N4BP1: variants seen among roughly 807,000 people sequenced by gnomAD.
The protein encoded by N4BP1 is NEDD4 binding protein 1.
A neutral mutation model predicts 70.9 loss-of-function variants in N4BP1; 21 were observed. The ratio of observed to expected loss-of-function variants is 0.30; its 90% CI spans 0.21 to 0.43. N4BP1 has a LOEUF of 0.43. N4BP1 is among the 20% of genes least tolerant of loss of function. N4BP1 has a pLI of 1.00. For synonymous variants in N4BP1, 387 were observed against 394.6 expected (o/e 0.98, Z 0.23); for missense variants, 936 against 1,069.4 (o/e 0.88, Z 1.74).
Position 48,541,548 on chromosome 16 carries a change from A to G in N4BP1, c.*1356T>C, listed in dbSNP as rs1168100611. The stretch of plus-strand genomic sequence containing the variant: ...CTCTGGGATGCCCCCAAGTCCCCTC[A>G]CCATTTACAAACCAGCACTGAGTTC... On this transcript the variant is annotated 3_prime_UTR_variant, in exon 7 of 7. Transcript: ENST00000262384. 1.3e-5 allele frequency: 2 copies of G among 152,376 alleles called. No individual in the cohort carries two copies. The highest frequency in any genetic ancestry group is 4.8e-5 in the African/African-American group (2 of 41,448). The allele number at this position is 152,376 out of a possible 1,614,324, so 9.4% of individuals were successfully genotyped here.
intron 1 of N4BP1, among the ~76,000 whole-genome samples, chr16:48,574,531 C>T (rs745682948): frequency 4.6e-5 from 7 of 152,078 alleles, no homozygotes; most frequent in Admixed American, 1.3e-4. Context: ...TACTATACAA[C>T]CAAAATAAAA....
chr16:48,602,732 A>G (rs1048608085), intron 1 of N4BP1, among the ~76,000 whole-genome samples: 1 of 152,082 alleles, frequency 6.6e-6, no homozygotes, highest in Non-Finnish European at 1.5e-5. Context: ...GAACAAATCA[A>G]TTGTTCAAGA....
intron 1 of N4BP1, among the ~76,000 whole-genome samples, chr16:48,601,932 C>CT (rs1484130714): frequency 6.6e-6 from 1 of 152,166 alleles, no homozygotes; most frequent in Non-Finnish European, 1.5e-5. Context: ...ATATGAAAAA[C>CT]TGATTTTTGG....
chr16:48,603,100 G>C lies in N4BP1; in HGVS notation c.198+6675C>G, dbSNP rs960818194. ...ACTTGAACCCTCTGAAGTCAGTACT[G>C]TAATAGGCCACTTCTACTTTAATTA... On this transcript the variant is annotated intron_variant, in intron 1 of 6. Transcript: ENST00000262384. Among the ~76,000 whole-genome samples, 3 of 152,154 alleles carry C rather than the reference G, an allele frequency of 2.0e-5. No homozygotes were observed. The East Asian group carries it at 5.8e-4, about 29-fold the overall frequency.
Position 48,543,131 on chromosome 16 carries a change from G to A in N4BP1, c.2464C>T (p.His822Tyr), listed in dbSNP as rs1963531675. Residue 822 changes from histidine (H) to tyrosine (Y), a missense_variant, in exon 7 of 7, where the codon CAC becomes TAC. Transcript: ENST00000262384. The stretch of plus-strand genomic sequence containing the variant: ...AAGTGGGGCTGCTGAGGGAGCCAGT[G>A]GCTTGAAGGGGCTCCCTGAATCCGG... The part of the protein sequence containing the change: ...PTRIQGAPSS[H>Y]WLPQQPHFPL... 7 of 1,608,098 alleles carry A rather than the reference G, an allele frequency of 4.4e-6. No individual in the cohort carries two copies. In the East Asian group the frequency reaches 1.6e-4, roughly 36 times the overall value.
chr16:48,564,890 G>A (rs1963916815), intron 1 of N4BP1, among the ~76,000 whole-genome samples: 1 of 152,150 alleles, frequency 6.6e-6, no homozygotes, highest in Admixed American at 6.6e-5. Context: ...TGTTTTGCTA[G>A]ATTTCACGTT....
chr16:48,583,645 C>T (rs1477579805), intron 1 of N4BP1, among the ~76,000 whole-genome samples: 1 of 152,142 alleles, frequency 6.6e-6, no homozygotes, highest in Non-Finnish European at 1.5e-5. Context: ...ATCATGGATA[C>T]ATAATAAATA....
At position 48,546,949 on chromosome 16, in the gene N4BP1, C is replaced by T. The variant is rs75909576; in HGVS notation, c.2226-695G>A. Among the ~76,000 whole-genome samples the T allele has an allele frequency of 7.5e-3, 1,139 of 152,320 alleles. 13 individuals carry two copies. Among genetic ancestry groups the T allele is most frequent in the African/African-American group, 0.026 (1,087 of 41,566 alleles). On this transcript the variant is annotated intron_variant, in intron 5 of 6. Coordinates refer to ENST00000262384, the MANE Select transcript of N4BP1 (RefSeq NM_153029.4). ...AGCCCAGGCAGAGGTCCAACAGAAACATGCCCTACAAGATTAGTAGCTCAT... is the reference window on the plus strand; with the variant it reads ...AGCCCAGGCAGAGGTCCAACAGAAATATGCCCTACAAGATTAGTAGCTCAT...
chr16:48,550,637 C>T (rs1963652065), intron 4 of N4BP1, among the ~76,000 whole-genome samples: 1 of 152,124 alleles, frequency 6.6e-6, no homozygotes, highest in Non-Finnish European at 1.5e-5. Flanking sequence ...GGTGTGGTGG[C>T]TCACACCTGT....
Position 48,610,048 on chromosome 16 carries a change from A to G in N4BP1, c.-76T>C. On this transcript the variant is annotated 5_prime_UTR_variant, in exon 1 of 7. Coordinates refer to ENST00000262384, the MANE Select transcript of N4BP1 (RefSeq NM_153029.4). Reference sequence around the variant, plus strand: ...CCCTCAGCTTGCTGCCGCTGCTCCCAAGCCAGTCAGGCGGCGTCGGCCCTT... The same window carrying G: ...CCCTCAGCTTGCTGCCGCTGCTCCCGAGCCAGTCAGGCGGCGTCGGCCCTT... 1 of 895,650 alleles carries G rather than the reference A, an allele frequency of 1.1e-6. No individual in the cohort carries two copies. The highest frequency in any genetic ancestry group is 1.4e-6 in the Non-Finnish European group (1 of 735,418). The allele number at this position is 895,650 out of a possible 1,614,324, so 55.5% of individuals were successfully genotyped here. A position where few individuals can be genotyped will look rare whatever the true frequency, so the allele number is the denominator to read the frequency against.
At chr16:48,586,262 A>C (rs1216551104) in intron 1 of N4BP1, among the ~76,000 whole-genome samples, 1 of 152,000 alleles carries the variant, frequency 6.6e-6, no homozygotes, top group African/African-American at 2.4e-5. Flanking sequence ...CCATCTTCAC[A>C]CCTCAACCTT....
chr16:48,551,149 T>C (rs556572639), intron 4 of N4BP1, among the ~76,000 whole-genome samples: 44 of 152,206 alleles, frequency 2.9e-4, no homozygotes, highest in Admixed American at 5.9e-4. Context: ...CAGACTACAA[T>C]ATCTGCTTTT....
At chr16:48,543,970 C>A (rs1022466987) in intron 6 of N4BP1, among the ~76,000 whole-genome samples, 5 of 152,234 alleles carry the variant, frequency 3.3e-5, no homozygotes, top group Admixed American at 6.5e-5. Flanking sequence ...CAGGACAGAC[C>A]CCGTGCCAGG....
intron 1 of N4BP1, among the ~76,000 whole-genome samples, chr16:48,582,032 T>C (rs1964181513): frequency 6.6e-6 from 1 of 151,850 alleles, no homozygotes; most frequent in African/African-American, 2.4e-5. Flanking sequence ...TGAGAGAAAA[T>C]ATTTGCAAAC....
intron 1 of N4BP1, among the ~76,000 whole-genome samples, chr16:48,568,332 G>A (rs989070): frequency 0.36 from 54,868 of 152,024 alleles, 10,130 homozygotes; most frequent in African/African-American, 0.42. Flanking sequence ...CCCAATGTTA[G>A]GTTACAGTGA....
At chr16:48,550,363 A>G (rs1464444474) in intron 4 of N4BP1, among the ~76,000 whole-genome samples, 1 of 151,964 alleles carries the variant, frequency 6.6e-6, no homozygotes, top group African/African-American at 2.4e-5. Context: ...AAATACAAAA[A>G]TTAGCCAGGC....
At chr16:48,566,640 A>G (rs1029747284) in intron 1 of N4BP1, among the ~76,000 whole-genome samples, 6 of 152,146 alleles carry the variant, frequency 3.9e-5, no homozygotes, top group African/African-American at 9.7e-5. Context: ...GTCTATCTTG[A>G]TAGTTCTATG....
At chr16:48,593,053 C>T (rs908425308) in intron 1 of N4BP1, among the ~76,000 whole-genome samples, 2 of 152,096 alleles carry the variant, frequency 1.3e-5, no homozygotes, top group South Asian at 4.1e-4. Flanking sequence ...AAATGTTATA[C>T]AATTTAAAGA....
chr16:48,539,893 G>C lies in N4BP1; in HGVS notation c.*3011C>G, dbSNP rs1181713342. ...GTGCACCAAGACAGAGCCCCAGCGC[G>C]GCCTTGCAGCCAGGCACCGGGCCGT... On this transcript the variant is annotated 3_prime_UTR_variant, in exon 7 of 7. Coordinates refer to ENST00000262384, the MANE Select transcript of N4BP1 (RefSeq NM_153029.4). 6.6e-6 allele frequency: 1 copy of C among 152,360 alleles called. No individual in the cohort carries two copies. Among genetic ancestry groups the C allele is most frequent in the Admixed American group, 6.5e-5 (1 of 15,288 alleles). The allele number at this position is 152,360 out of a possible 1,614,324, so 9.4% of individuals were successfully genotyped here. A position where few individuals can be genotyped will look rare whatever the true frequency, so the allele number is the denominator to read the frequency against.
Sources: allele counts gnomAD v4.1 joint callset (sites outside exome capture counted in the v4.1 genomes callset), GRCh38; gene constraint gnomAD v4.1.1; transcripts MANE v1.5; gene names NCBI Gene and HGNC (gene_info 2026-07-23, HGNC 2026-07-21).